NBAS: variants seen among roughly 807,000 people sequenced by gnomAD.
NBAS encodes the protein NAG/BC035112 fusion.
A neutral mutation model predicts 302.5 loss-of-function variants in NBAS; 219 were observed. The observed-to-expected ratio is 0.72, with a 90% CI of 0.65 to 0.81. The LOEUF is 0.81. Among genes scored for constraint, NBAS ranks in the 30% least tolerant of loss-of-function variants. NBAS has a pLI of 0.00. For synonymous variants in NBAS, 1,118 were observed against 1,021.6 expected (o/e 1.09, Z -1.80); for missense variants, 2,932 against 2,841.6 (o/e 1.03, Z -0.72).
chr2:15,489,948 A>G (rs73200701), intron 11 of NBAS, among the ~76,000 whole-genome samples: 12 of 152,268 alleles, frequency 7.9e-5, no homozygotes, highest in Admixed American at 5.9e-4. Context: ...GCCCACAACC[A>G]TATCTCTTCT....
the NBAS span, among the ~76,000 whole-genome samples, chr2:14,978,388 T>C: frequency 2.0e-5 from 3 of 152,218 alleles, no homozygotes; most frequent in Non-Finnish European, 2.9e-5. Flanking sequence ...AAGCCCTCAC[T>C]GATCCTGCCT....
the NBAS span, among the ~76,000 whole-genome samples, chr2:14,783,186 C>A: frequency 2.6e-5 from 4 of 152,062 alleles, no homozygotes; most frequent in African/African-American, 9.7e-5. Context: ...AATGAAATGG[C>A]AAATTGACTA....
chr2:15,135,796 G>A, the NBAS span, among the ~76,000 whole-genome samples: 3 of 150,988 alleles, frequency 2.0e-5, no homozygotes, highest in African/African-American at 7.3e-5. Flanking sequence ...TGGCTTCCCT[G>A]GGACACACTG....
At chr2:14,803,932 G>A in the NBAS span, among the ~76,000 whole-genome samples, 2 of 152,200 alleles carry the variant, frequency 1.3e-5, no homozygotes, top group Non-Finnish European at 2.9e-5. Flanking sequence ...TTACAGATGT[G>A]AGCCACCGTG....
the NBAS span, among the ~76,000 whole-genome samples, chr2:14,941,640 C>T: frequency 2.0e-5 from 3 of 149,336 alleles, no homozygotes; most frequent in Admixed American, 6.6e-5. Flanking sequence ...TGCTGTGTGT[C>T]ACCCGCTCCC....
the NBAS span, among the ~76,000 whole-genome samples, chr2:14,906,401 A>G: frequency 6.6e-6 from 1 of 152,306 alleles, no homozygotes; most frequent in Non-Finnish European, 1.5e-5. Context: ...TCACACTCAC[A>G]TCTCATTGAC....
chr2:15,218,570 C>T (rs377415775), intron 48 of NBAS, among the ~76,000 whole-genome samples: 31 of 152,234 alleles, frequency 2.0e-4, no homozygotes, highest in South Asian at 6.2e-4. Flanking sequence ...ACTACAGATG[C>T]GTGCCACCAC....
the NBAS span, among the ~76,000 whole-genome samples, chr2:14,887,141 C>T: frequency 3.9e-5 from 6 of 152,154 alleles, no homozygotes; most frequent in Non-Finnish European, 5.9e-5. Context: ...TGCTGGCTCA[C>T]GCCTGTAATC....
the NBAS span, among the ~76,000 whole-genome samples, chr2:15,130,790 G>C: frequency 6.6e-6 from 1 of 152,250 alleles, no homozygotes; most frequent in South Asian, 2.1e-4. Context: ...CCATCCTCAG[G>C]GGGCCACCCT....
At chr2:15,190,161 C>T (rs571386439) in intron 49 of NBAS, 103 bp downstream of exon 49, 4 of 1,322,560 alleles carry the variant, frequency 3.0e-6, no homozygotes, top group African/African-American at 1.5e-5. Context: ...TACGCACACA[C>T]ATATAATTAT....
intron 21 of NBAS, among the ~76,000 whole-genome samples, chr2:15,443,497 G>A (rs560725294): frequency 1.2e-4 from 18 of 151,652 alleles, no homozygotes; most frequent in East Asian, 9.7e-4. Context: ...TTGATGGGAC[G>A]TATCTCAAAA....
chr2:15,384,555 A>G (rs541716573), intron 28 of NBAS, among the ~76,000 whole-genome samples: 112 of 148,946 alleles, frequency 7.5e-4, no homozygotes, highest in Admixed American at 1.9e-3. Flanking sequence ...TAAACATTCA[A>G]CAAATGTGAA....
At chr2:15,426,391 CTTGAA>C (rs1396539918) in intron 22 of NBAS, among the ~76,000 whole-genome samples, 1 of 152,106 alleles carries the variant, frequency 6.6e-6, no homozygotes, top group African/African-American at 2.4e-5. Context: ...AAGCAATAGG[CTTGAA>C]TTATTTCTTA....
intron 36 of NBAS, among the ~76,000 whole-genome samples, chr2:15,330,332 A>T (rs1672266865): frequency 6.6e-6 from 1 of 152,074 alleles, no homozygotes; most frequent in Non-Finnish European, 1.5e-5. Context: ...CATTGATAAA[A>T]TTTTTCTTTT....
chr2:14,926,799 T>A, the NBAS span, among the ~76,000 whole-genome samples: 1 of 152,162 alleles, frequency 6.6e-6, no homozygotes, highest in South Asian at 2.1e-4. Context: ...CTAGCAATCA[T>A]CATTCTACTT....
rs757368530 is a variant in NBAS, at chr2:15,415,616, T to C, written c.2867A>G (p.Glu956Gly). 1.9e-6 allele frequency: 3 copies of C among 1,613,996 alleles called. No homozygotes were observed. The highest frequency in any genetic ancestry group is 2.5e-6 in the Non-Finnish European group (3 of 1,179,926). ...CCCTTTAGCTAAAGTTACTAAATATTCTTTTAATAGCTCATTAGCCACACC... is the reference window on the plus strand; with the variant it reads ...CCCTTTAGCTAAAGTTACTAAATATCCTTTTAATAGCTCATTAGCCACACC... Reference protein sequence around the residue: ...SPGVANELLKEYLVTLAKGDL... With the variant: ...SPGVANELLKGYLVTLAKGDL... The change falls in exon 25 of 52, where the codon GAA becomes GGA. Residue 956 changes from glutamate (E) to glycine (G), a missense_variant. Coordinates refer to ENST00000281513, the MANE Select transcript of NBAS (RefSeq NM_015909.4).
chr2:15,177,149 C>T (rs528355026), intron 51 of NBAS, among the ~76,000 whole-genome samples: 1 of 152,276 alleles, frequency 6.6e-6, no homozygotes, highest in East Asian at 1.9e-4. Flanking sequence ...ATCTGAAGGG[C>T]ACAGACGTTT....
chr2:15,271,305 G>T (rs1346667682), intron 44 of NBAS, among the ~76,000 whole-genome samples: 1 of 152,152 alleles, frequency 6.6e-6, no homozygotes, highest in Non-Finnish European at 1.5e-5. Flanking sequence ...AGTAAGCAGG[G>T]ATACTGGCTT....
the NBAS span, among the ~76,000 whole-genome samples, chr2:14,877,323 C>A: frequency 6.6e-6 from 1 of 152,134 alleles, no homozygotes; most frequent in African/African-American, 2.4e-5. Context: ...ACATTCCACC[C>A]CCCTTGATTC....
Sources: gnomAD v4.1 joint callset for allele counts (sites outside exome capture counted in the v4.1 genomes callset) on GRCh38, gnomAD v4.1.1 for gene constraint, MANE v1.5 for transcripts, NCBI Gene and HGNC (gene_info 2026-07-23, HGNC 2026-07-21) for gene names.